FRMD3: variants seen among roughly 807,000 people sequenced by gnomAD.
FRMD3 encodes the protein FERM domain containing 3.
In FRMD3, 33 loss-of-function variants were observed where a neutral mutation model predicts 70.2. The observed-to-expected ratio is 0.47, with a 90% CI of 0.36 to 0.63. FRMD3 has a LOEUF of 0.63. FRMD3 is among the 20% of genes least tolerant of loss of function. The pLI is 0.00. For synonymous variants in FRMD3, 279 were observed against 255.9 expected (o/e 1.09, Z -0.86); for missense variants, 632 against 711.4 (o/e 0.89, Z 1.27).
At chr9:83,265,988 G>A (rs1261803605) in intron 13 of FRMD3, among the ~76,000 whole-genome samples, 1 of 151,960 alleles carries the variant, frequency 6.6e-6, no homozygotes, top group Non-Finnish European at 1.5e-5. Context: ...AAATAACTGA[G>A]TTATGATATC....
chr9:83,470,539 T>C (rs909145119), intron 1 of FRMD3, among the ~76,000 whole-genome samples: 6 of 152,234 alleles, frequency 3.9e-5, no homozygotes, highest in African/African-American at 1.4e-4. Context: ...GGGACTATGC[T>C]GCTGCCAGAG....
chr9:83,476,064 G>A (rs933657737), intron 1 of FRMD3, among the ~76,000 whole-genome samples: 5 of 152,058 alleles, frequency 3.3e-5, no homozygotes, highest in Admixed American at 2.0e-4. Flanking sequence ...GTATCCTTGG[G>A]CCGACAATAG....
In FRMD3 at chr9:83,244,692, CAT is replaced by C; in HGVS notation, c.*3224_*3225del. On this transcript the variant is annotated 3_prime_UTR_variant, in exon 14 of 14. Transcript: ENST00000304195. Reference sequence around the variant, plus strand: ...ACATATAAAACAATCTGGATGTTGACATAGAAATGCAAATTTCACTATACAAA... The same window carrying C: ...ACATATAAAACAATCTGGATGTTGACAGAAATGCAAATTTCACTATACAAA... 1.0e-6 allele frequency: 1 copy of C among 984,914 alleles called. No homozygotes were observed. The highest frequency in any genetic ancestry group is 1.2e-6 in the Non-Finnish European group (1 of 829,568). 61.0% of individuals were successfully genotyped at this position (984,914 alleles called of 1,614,324 possible). A position where few individuals can be genotyped will look rare whatever the true frequency, so the allele number is the denominator to read the frequency against.
intron 1 of FRMD3, among the ~76,000 whole-genome samples, chr9:83,469,592 T>C (rs910989577): frequency 2.0e-5 from 3 of 152,170 alleles, no homozygotes; most frequent in African/African-American, 7.2e-5. Context: ...TAATTGCACC[T>C]TTTCAAAGTC....
chr9:83,569,312 A>T, the FRMD3 span, among the ~76,000 whole-genome samples: 1 of 152,218 alleles, frequency 6.6e-6, no homozygotes, highest in African/African-American at 2.4e-5. Context: ...CCTTAGATGG[A>T]CTGGAAAACT....
intron 1 of FRMD3, among the ~76,000 whole-genome samples, chr9:83,482,891 T>C (rs1828601895): frequency 6.6e-6 from 1 of 152,134 alleles, no homozygotes; most frequent in Non-Finnish European, 1.5e-5. Flanking sequence ...CCAGGAGCCA[T>C]ATAAGAAGTG....
At chr9:83,389,559 T>C (rs368398320) in intron 2 of FRMD3, 45 bp downstream of exon 2, 37 of 1,282,088 alleles carry the variant, frequency 2.9e-5, no homozygotes, top group Non-Finnish European at 3.8e-5. Flanking sequence ...CACCACAGTC[T>C]GGGTCACTCC....
At chr9:83,349,653 T>C (rs1485406464) in intron 4 of FRMD3, 26 bp downstream of exon 4, 2 of 1,561,438 alleles carry the variant, frequency 1.3e-6, no homozygotes, top group East Asian at 2.3e-5. Context: ...AGGTGCACGT[T>C]AAACATACAA....
intron 1 of FRMD3, among the ~76,000 whole-genome samples, chr9:83,535,484 C>T (rs890724914): frequency 6.6e-6 from 1 of 152,154 alleles, no homozygotes; most frequent in African/African-American, 2.4e-5. Context: ...GAACAACTAA[C>T]ACATGTCCAA....
At chr9:83,372,743 A>T (rs1243965537) in intron 3 of FRMD3, among the ~76,000 whole-genome samples, 170 bp downstream of exon 3, 1 of 152,106 alleles carries the variant, frequency 6.6e-6, no homozygotes, top group Non-Finnish European at 1.5e-5. Flanking sequence ...GACGAGGGTC[A>T]TAGAAAAAGA....
At position 83,538,252 on chromosome 9, in the gene FRMD3, G is replaced by C; in HGVS notation, c.-21C>G. 1 of 1,547,450 alleles carries C rather than the reference G, an allele frequency of 6.5e-7. No homozygotes were observed. The highest frequency in any genetic ancestry group is 8.7e-7 in the Non-Finnish European group (1 of 1,145,696). ...AACATGCACCGCGGCCGTGGGGAGC[G>C]AGCGGGAGGCTCAGGGCCGGCGCGG... On this transcript the variant is annotated 5_prime_UTR_variant, in exon 1 of 14. Coordinates refer to ENST00000304195, the MANE Select transcript of FRMD3 (RefSeq NM_174938.6). The surrounding 1 kb of genome is among the most constrained non-coding windows in gnomAD (Gnocchi z 4.7).
intron 13 of FRMD3, among the ~76,000 whole-genome samples, chr9:83,261,396 C>A (rs996537165): frequency 1.3e-5 from 2 of 152,148 alleles, no homozygotes; most frequent in African/African-American, 4.8e-5. Flanking sequence ...CTCTCCCCAC[C>A]TGCTGAAATG....
At chr9:83,453,242 A>T (rs1264586952) in intron 1 of FRMD3, among the ~76,000 whole-genome samples, 1 of 152,206 alleles carries the variant, frequency 6.6e-6, no homozygotes, top group Non-Finnish European at 1.5e-5. Flanking sequence ...CATTCAAAAA[A>T]CTAACTTCAC....
chr9:83,318,724 C>T (rs1835680881), intron 6 of FRMD3, among the ~76,000 whole-genome samples: 1 of 152,156 alleles, frequency 6.6e-6, no homozygotes, highest in African/African-American at 2.4e-5. Flanking sequence ...GAAATCTCCA[C>T]ACTGTTCCCC....
chr9:83,342,043 A>ATCTCTCTCTCTCCCTCTCTC (rs1823774632), intron 5 of FRMD3, among the ~76,000 whole-genome samples: 1 of 139,654 alleles, frequency 7.2e-6, no homozygotes, highest in African/African-American at 2.8e-5. Flanking sequence ...TGACATAGTC[A>ATCTCTCTCTCTCCCTCTCTC]TCTCTCTCTC....
intron 3 of FRMD3, among the ~76,000 whole-genome samples, chr9:83,356,975 C>T (rs116176243): frequency 5.9e-5 from 9 of 151,442 alleles, no homozygotes; most frequent in South Asian, 2.1e-4. Flanking sequence ...CTCCCACATA[C>T]GAGTGATAAC....
At chr9:83,387,485 A>C (rs554100231) in intron 2 of FRMD3, among the ~76,000 whole-genome samples, 1 of 152,320 alleles carries the variant, frequency 6.6e-6, no homozygotes, top group Non-Finnish European at 1.5e-5. Context: ...CACTCATGGT[A>C]CATGATAGAT....
the FRMD3 span, among the ~76,000 whole-genome samples, chr9:83,549,565 A>T: frequency 2.0e-5 from 3 of 152,156 alleles, no homozygotes; most frequent in East Asian, 5.8e-4. Flanking sequence ...CACTCCCACC[A>T]ACAGCGTATA....
intron 13 of FRMD3, among the ~76,000 whole-genome samples, chr9:83,276,836 A>C (rs12353330): frequency 0.057 from 8,604 of 152,200 alleles, 291 homozygotes; most frequent in African/African-American, 0.089. Context: ...CAGCCTCCCG[A>C]GTAGCTGGGA....
Sources: gnomAD v4.1 joint callset for allele counts (sites outside exome capture counted in the v4.1 genomes callset) on GRCh38, gnomAD v4.1.1 for gene constraint, Gnocchi (gnomAD v3.1) non-coding constraint, MANE v1.5 for transcripts, NCBI Gene and HGNC (gene_info 2026-07-23, HGNC 2026-07-21) for gene names.